Variants in TYW1 observed in about 807,000 individuals in gnomAD.
TYW1 encodes tRNA-yW synthesizing protein 1 homolog, also known as S-adenosyl-L-methionine-dependent tRNA 4-demethylwyosine synthase TYW1.
Under a neutral mutation model 96.2 loss-of-function variants are expected in TYW1, and 46 were observed. The observed-to-expected ratio is 0.48, with a 90% CI of 0.38 to 0.61. The LOEUF (loss-of-function observed/expected upper bound fraction) is 0.61, where lower values mean the gene tolerates loss of function less well. Ranked by LOEUF, TYW1 falls within the 20% of genes least tolerant of loss-of-function variation. TYW1 has a pLI of 0.00. For missense variants in TYW1, 684 were observed against 909.6 expected (o/e 0.75, Z 3.19); for synonymous variants, 274 against 323.0 (o/e 0.85, Z 1.63).
intron 11 of TYW1, among the ~76,000 whole-genome samples, chr7:67,090,178 T>C (rs1053988923): frequency 2.6e-5 from 4 of 152,066 alleles, no homozygotes; most frequent in Non-Finnish European, 5.9e-5. Context: ...AATGTGAAGG[T>C]GGGGAAGAGA....
At chr7:67,040,160 G>T (rs2129255442) in intron 7 of TYW1, among the ~76,000 whole-genome samples, 1 of 152,122 alleles carries the variant, frequency 6.6e-6, no homozygotes, top group East Asian at 1.9e-4. Flanking sequence ...TTTTTACCGT[G>T]TTGGCCAGGG....
At chr7:67,019,666 T>G (rs899882175) in intron 6 of TYW1, among the ~76,000 whole-genome samples, 2 of 152,270 alleles carry the variant, frequency 1.3e-5, no homozygotes, top group Admixed American at 6.5e-5. Flanking sequence ...AGAGTTTATT[T>G]GAGCCAAAAT....
chr7:67,031,149 C>T (rs377639199), intron 7 of TYW1, among the ~76,000 whole-genome samples: 6 of 137,396 alleles, frequency 4.4e-5, no homozygotes, highest in Admixed American at 7.5e-5. Context: ...GCTGAGATTG[C>T]GCCATTGCAC....
At chr7:67,052,663 A>G (rs374991806) in intron 8 of TYW1, among the ~76,000 whole-genome samples, 3,467 of 152,150 alleles carry the variant, frequency 0.023, 59 homozygotes, top group Non-Finnish European at 0.035. Context: ...CTGTTTGCAT[A>G]CTTCATATCT....
chr7:67,032,969 T>C (rs1459280571), intron 7 of TYW1, among the ~76,000 whole-genome samples: 2 of 127,704 alleles, frequency 1.6e-5, no homozygotes, highest in South Asian at 2.9e-4. Context: ...CAATCTCAGC[T>C]CACTGCAACC....
intron 14 of TYW1, among the ~76,000 whole-genome samples, chr7:67,194,231 G>T (rs926619086): frequency 4.6e-5 from 7 of 152,064 alleles, no homozygotes; most frequent in African/African-American, 1.5e-4. Flanking sequence ...ATATGTAGTT[G>T]TGTGTAAAGG....
intron 7 of TYW1, among the ~76,000 whole-genome samples, chr7:67,031,118 G>A (rs373512959): frequency 4.3e-5 from 6 of 138,756 alleles, no homozygotes; most frequent in African/African-American, 1.3e-4. Context: ...ACTTGAACCC[G>A]GGAGGCGGAG....
At chr7:67,095,677 ACAACAACAACAACAACAACAACAG>A (rs1459792088) in intron 11 of TYW1, among the ~76,000 whole-genome samples, 5 of 129,442 alleles carry the variant, frequency 3.9e-5, no homozygotes, top group African/African-American at 6.4e-5. Context: ...AACAACAACA[ACAACAACAACAACAACAACAACAG>A]CAGCAGCAGC....
At position 67,195,307 on chromosome 7, in the gene TYW1, C is replaced by G; in HGVS notation, c.1947C>G (p.His649Gln). The change falls in exon 15 of 16, where the codon CAC becomes CAG. Residue 649 changes from histidine (H) to glutamine (Q), a missense_variant. By Grantham distance (24) the His-to-Gln change is conservative. Transcript: ENST00000359626. The stretch of plus-strand genomic sequence containing the variant: ...ATGAAATTGCATGTGAACACGAACA[C>G]TCTAATTGCCTCCTGATAGCACACA... ...PEYEIACEHE[H>Q]SNCLLIAHRK... 6.2e-7 allele frequency: 1 copy of G among 1,613,520 alleles called. No homozygotes were observed. The highest frequency in any genetic ancestry group is 8.5e-7 in the Non-Finnish European group (1 of 1,179,860).
At chr7:67,121,824 A>G (rs3962072) in intron 13 of TYW1, among the ~76,000 whole-genome samples, 4 of 151,260 alleles carry the variant, frequency 2.6e-5, no homozygotes, top group South Asian at 2.1e-4. Flanking sequence ...GGCAAGTACA[A>G]TGTTTACATT....
At chr7:67,136,236 C>T (rs374789486) in intron 13 of TYW1, among the ~76,000 whole-genome samples, 4 of 152,180 alleles carry the variant, frequency 2.6e-5, no homozygotes, top group Admixed American at 6.5e-5. Flanking sequence ...TAACCATAAC[C>T]GTTTCCAGAA....
chr7:67,045,615 A>T (rs1373274471), intron 7 of TYW1, among the ~76,000 whole-genome samples: 1 of 152,264 alleles, frequency 6.6e-6, no homozygotes, highest in Non-Finnish European at 1.5e-5. Flanking sequence ...CTGTCAGTTT[A>T]TAAAGAACGT....
At chr7:67,021,964 G>C (rs955663272) in intron 6 of TYW1, among the ~76,000 whole-genome samples, 1 of 152,206 alleles carries the variant, frequency 6.6e-6, no homozygotes, top group South Asian at 2.1e-4. Context: ...CCCCAGGCTG[G>C]AGTGCAGTAG....
At chr7:67,054,083 TC>T (rs1374558518) in intron 8 of TYW1, among the ~76,000 whole-genome samples, 1 of 152,234 alleles carries the variant, frequency 6.6e-6, no homozygotes, top group African/African-American at 2.4e-5. Context: ...TTGCCTGATG[TC>T]TCATGTTCTG....
chr7:67,081,832 G>T lies in TYW1; in HGVS notation c.1275-1598G>T, dbSNP rs377151895. 6.9e-4 allele frequency among the ~76,000 whole-genome samples: 80 copies of T among 116,558 alleles called. No individual in the cohort carries two copies. The East Asian group carries it at 0.014, about 21-fold the overall frequency. 76.5% of individuals were successfully genotyped at this position (116,558 alleles called of 152,430 possible). A position where few individuals can be genotyped will look rare whatever the true frequency, so the allele number is the denominator to read the frequency against. On this transcript the variant is annotated intron_variant, in intron 10 of 15. Transcript: ENST00000359626. Reference sequence around the variant, plus strand: ...TCTTCTTCTTCCTTCCTTTTTTTTGGTCTGACTGGGTCATTTCAAAAGTCC... The same window carrying T: ...TCTTCTTCTTCCTTCCTTTTTTTTGTTCTGACTGGGTCATTTCAAAAGTCC...
intron 13 of TYW1, among the ~76,000 whole-genome samples, chr7:67,166,391 A>T (rs1464546): frequency 0.24 from 31,866 of 133,764 alleles, 4,641 homozygotes; most frequent in African/African-American, 0.36. Context: ...ATAAGTTTTT[A>T]AATTGGAGTA....
Position 67,024,929 on chromosome 7 carries a change from A to G in TYW1, c.891A>G (p.Glu297=). The change falls in exon 7 of 16, where the codon GAA becomes GAG. Residue 297 remains glutamate, a synonymous_variant. Transcript: ENST00000359626. ...EEEEPFESSS[E]EEFGGEDHQS... ...AAGAACCCTTTGAGAGCTCCAGTGA[A>G]GAAGAGTTTGGTGGTGAGGACCATC... 1 of 1,613,880 alleles carries G rather than the reference A, an allele frequency of 6.2e-7. No homozygotes were observed. The highest frequency in any genetic ancestry group is 8.5e-7 in the Non-Finnish European group (1 of 1,179,832).
intron 15 of TYW1, among the ~76,000 whole-genome samples, chr7:67,210,899 T>A (rs1031281671): frequency 0.097 from 9,890 of 102,172 alleles, 441 homozygotes; most frequent in African/African-American, 0.16. Flanking sequence ...CATCTATCCA[T>A]CTGTCCATCC....
chr7:67,077,910 T>C (rs537738458), intron 10 of TYW1, among the ~76,000 whole-genome samples: 1 of 152,204 alleles, frequency 6.6e-6, no homozygotes, highest in African/African-American at 2.4e-5. Flanking sequence ...CTGTCTTGAG[T>C]TGATTTTTGT....
Sources: gnomAD v4.1 joint callset for allele counts (sites outside exome capture counted in the v4.1 genomes callset) on GRCh38, gnomAD v4.1.1 for gene constraint, MANE v1.5 for transcripts, NCBI Gene and HGNC (gene_info 2026-07-23, HGNC 2026-07-21) for gene names.